The following DRICH1 variants were observed in gnomAD, a reference collection of about 807,000 sequenced individuals.
The protein encoded by DRICH1 is aspartate-rich protein 1.
DRICH1 carries 38 observed loss-of-function variants against 39.5 expected under a neutral mutation model. The ratio of observed to expected loss-of-function variants is 0.96; its 90% CI spans 0.74 to 1.26. The LOEUF is 1.26. Among genes scored for constraint, DRICH1 ranks in the 50% most tolerant of loss-of-function variants. The pLI, the probability that DRICH1 is intolerant of heterozygous loss-of-function variation, is 0.00. For missense variants in DRICH1, 279 were observed against 270.4 expected (o/e 1.03, Z -0.22); for synonymous variants, 84 against 99.5 (o/e 0.84, Z 0.93).
chr22:23,626,257 A>G (rs1928058676), intron 1 of DRICH1, among the ~76,000 whole-genome samples: 1 of 152,220 alleles, frequency 6.6e-6, no homozygotes, highest in African/African-American at 2.4e-5. Flanking sequence ...AGACTCTTGC[A>G]TTCCGAAGTC....
At position 23,613,012 on chromosome 22, in the gene DRICH1, TC is replaced by T. The variant is rs570008445; in HGVS notation, c.685+276del. On this transcript the variant is annotated intron_variant, in intron 11 of 11. Transcript: ENST00000317749. ...CCCACTCCCAAGGAGTGTTGACTAATCCAAACCAAAGGCTATGATGTTCCAC... is the reference window on the plus strand; with the variant it reads ...CCCACTCCCAAGGAGTGTTGACTAATCAAACCAAAGGCTATGATGTTCCAC... 1.5e-3 allele frequency among the ~76,000 whole-genome samples: 227 copies of T among 152,206 alleles called. 1 individual carries two copies. The highest frequency in any genetic ancestry group is 2.1e-3 in the Non-Finnish European group (144 of 68,010).
chr22:23,629,231 G>A (rs1928251346), intron 1 of DRICH1, among the ~76,000 whole-genome samples: 1 of 152,164 alleles, frequency 6.6e-6, no homozygotes, highest in Non-Finnish European at 1.5e-5. Context: ...TAGAGACAGG[G>A]TTTCGCCAGG....
the DRICH1 span, among the ~76,000 whole-genome samples, chr22:23,589,126 A>C: frequency 5.0e-4 from 69 of 138,848 alleles, 1 homozygote; most frequent in Admixed American, 1.3e-3. Context: ...ACACACACAC[A>C]CCCCTTTGAT....
rs201388704 is a variant in DRICH1 at position 23,631,909 on chromosome 22, A to C, written c.115T>G (p.Ser39Ala). 5.6e-6 allele frequency: 9 copies of C among 1,613,512 alleles called. No individual in the cohort carries two copies. In the African/African-American group the frequency reaches 8.0e-5, roughly 14 times the overall value. ...DIYETVAAAT[S>A]ESTTVEPGKL... ...CCAGGCTCTACAGTAGTGGATTCTG[A>C]TGTTGCAGCAGCCACAGTCTCATAA... Residue 39 changes from serine to alanine, a missense_variant, in exon 1 of 12, where the codon TCA (serine) becomes GCA (alanine). Physicochemically the swap from Ser to Ala is moderately conservative, Grantham distance 99. Coordinates refer to ENST00000317749, the MANE Select transcript of DRICH1 (RefSeq NM_016449.4).
At position 23,622,267 on chromosome 22, in the gene DRICH1, G is replaced by A. The variant is rs570337298; in HGVS notation, c.299-91C>T. The stretch of plus-strand genomic sequence containing the variant: ...TTGCTGGATGTGGTGTATGGAGGTG[G>A]TTGATTAACAAGCATGGACTGAGTT... On this transcript the variant is annotated intron_variant, in intron 3 of 11. Coordinates refer to ENST00000317749, the MANE Select transcript of DRICH1 (RefSeq NM_016449.4). The A allele has an allele frequency of 1.0e-4, 119 of 1,150,888 alleles. 1 individual carries two copies. Among genetic ancestry groups the A allele is most frequent in the Middle Eastern group, 3.9e-4 (2 of 5,186 alleles). 71.3% of individuals were successfully genotyped at this position (1,150,888 alleles called of 1,614,324 possible).
chr22:23,607,725 G>C (rs771947477), downstream of DRICH1, among the ~76,000 whole-genome samples: 10 of 152,160 alleles, frequency 6.6e-5, no homozygotes, highest in Admixed American at 1.3e-4. Context: ...CTTTCCATGG[G>C]ATCAGGAGAG....
chr22:23,614,249 T>C, intron 8 of DRICH1, 35 bp from the exon 9 acceptor site: 1 of 1,517,644 alleles, frequency 6.6e-7, no homozygotes, highest in Non-Finnish European at 9.2e-7. Flanking sequence ...AGTGCACCGG[T>C]GGTTGGTGAC....
intron 11 of DRICH1, among the ~76,000 whole-genome samples, chr22:23,610,988 C>T (rs910940043): frequency 6.6e-6 from 1 of 151,750 alleles, no homozygotes; most frequent in African/African-American, 2.4e-5. Context: ...ACGCATAACC[C>T]TTCAATTGCA....
At chr22:23,615,804 C>A (rs148117509) in intron 8 of DRICH1, among the ~76,000 whole-genome samples, 231 of 152,306 alleles carry the variant, frequency 1.5e-3, no homozygotes, top group Non-Finnish European at 1.9e-3. Flanking sequence ...AGCATGGGGG[C>A]ACTCATAAGT....
At chr22:23,625,656 T>G (rs1347293961) in intron 2 of DRICH1, among the ~76,000 whole-genome samples, 2 of 152,074 alleles carry the variant, frequency 1.3e-5, no homozygotes, top group African/African-American at 4.8e-5. Context: ...CAGTGTGGGC[T>G]GCAACAAAAT....
chr22:23,616,997 C>A, intron 7 of DRICH1, 123 bp from the exon 8 acceptor site: 1 of 1,124,020 alleles, frequency 8.9e-7, no homozygotes, highest in South Asian at 1.3e-5. Flanking sequence ...AAGTCAAGGT[C>A]AAAGACCAAA....
At chr22:23,612,375 G>A (rs1047351638) in intron 11 of DRICH1, among the ~76,000 whole-genome samples, 1 of 149,330 alleles carries the variant, frequency 6.7e-6, no homozygotes, top group Non-Finnish European at 1.5e-5. Context: ...GCTGAGGCAC[G>A]AGAATGGCGT....
chr22:23,600,450 G>A, the DRICH1 span, among the ~76,000 whole-genome samples: 5 of 152,174 alleles, frequency 3.3e-5, no homozygotes, highest in Admixed American at 1.3e-4. Context: ...GGGCCTGCAT[G>A]AACAGAAGCT....
At chr22:23,597,256 C>A in the DRICH1 span, among the ~76,000 whole-genome samples, 1 of 148,950 alleles carries the variant, frequency 6.7e-6, no homozygotes, top group African/African-American at 2.5e-5. Context: ...ATTTGGGAGG[C>A]CAAGGCAGGT....
intron 3 of DRICH1, 138 bp from the exon 4 acceptor site, chr22:23,622,314 GTGGAA>G: frequency 1.2e-6 from 1 of 800,474 alleles, no homozygotes; most frequent in Non-Finnish European, 2.2e-6. Flanking sequence ...ATTCCCCTGA[GTGGAA>G]GAGGGATGGC....
chr22:23,596,512 C>T, the DRICH1 span, among the ~76,000 whole-genome samples: 7 of 152,212 alleles, frequency 4.6e-5, no homozygotes, highest in South Asian at 2.1e-4. Flanking sequence ...ACCGTGGCCT[C>T]CCCGCTCTGC....
intron 10 of DRICH1, 23 bp downstream of exon 10, chr22:23,613,616 G>A: frequency 1.3e-6 from 2 of 1,587,312 alleles, no homozygotes; most frequent in Non-Finnish European, 1.7e-6. Flanking sequence ...CCCTCAGGAA[G>A]TGAGTTATCT....
In DRICH1 at chr22:23,619,351, T is replaced by G. The variant is rs1429292143; in HGVS notation, c.436+13A>C. The G allele has an allele frequency of 1.3e-6, 1 of 780,738 alleles. No individual in the cohort carries two copies. Among genetic ancestry groups the G allele is most frequent in the Non-Finnish European group, 2.4e-6 (1 of 417,962 alleles). The allele number at this position is 780,738 out of a possible 1,614,324, so 48.4% of individuals were successfully genotyped here. A position where few individuals can be genotyped will look rare whatever the true frequency, so the allele number is the denominator to read the frequency against. Reference sequence around the variant, plus strand: ...CTAACACACAATACTACACACATGATCTACAGACTCACAAGAACTGCTATC... The same window carrying G: ...CTAACACACAATACTACACACATGAGCTACAGACTCACAAGAACTGCTATC... On this transcript the variant is annotated intron_variant, in intron 6 of 11. Coordinates refer to ENST00000317749, the MANE Select transcript of DRICH1 (RefSeq NM_016449.4).
At position 23,622,102 on chromosome 22, in the gene DRICH1, C is replaced by G. The variant is rs1183465582; in HGVS notation, c.373G>C (p.Asp125His). ...EDDDCDDDDD[D>H]DAQILPSRVQ... is the part of the protein sequence containing the mutation. The stretch of plus-strand genomic sequence containing the variant: ...AAAGATTGTCTTACCTGGGCATCAT[C>G]ATCATCATCATCATCACAGTCATCA... Residue 125 changes from aspartate (D) to histidine (H), a missense_variant, in exon 4 of 12, where the codon GAT becomes CAT. Transcript: ENST00000317749. 2.5e-6 allele frequency: 4 copies of G among 1,610,940 alleles called. No individual in the cohort carries two copies. Among genetic ancestry groups the G allele is most frequent in the Non-Finnish European group, 3.4e-6 (4 of 1,177,672 alleles).
Sources: allele counts gnomAD v4.1 joint callset (sites outside exome capture counted in the v4.1 genomes callset), GRCh38; gene constraint gnomAD v4.1.1; transcripts MANE v1.5; gene names NCBI Gene and HGNC (gene_info 2026-07-23, HGNC 2026-07-21).